Variants in IL1RAPL1 observed in about 807,000 individuals in gnomAD.
The protein encoded by IL1RAPL1 is interleukin 1 receptor accessory protein like 1.
In IL1RAPL1, 3 loss-of-function variants were observed where a neutral mutation model predicts 48.4. That is an observed-to-expected ratio of 0.06 (90% CI 0.03 to 0.16). The LOEUF is 0.16. IL1RAPL1 is among the 10% of genes least tolerant of loss of function. The pLI is 1.00. For synonymous variants in IL1RAPL1, 185 were observed against 187.7 expected (o/e 0.99, Z 0.12); for missense variants, 349 against 530.6 (o/e 0.66, Z 3.36).
intron 2 of IL1RAPL1, among the ~76,000 whole-genome samples, chrX:29,145,011 G>A (rs777366136): frequency 1.8e-5 from 2 of 110,891 alleles, no homozygotes; most frequent in South Asian, 7.8e-4. Flanking sequence ...TTACAGGCAT[G>A]AGCCACCATG....
At position 29,272,064 on chromosome X, in the gene IL1RAPL1, G is replaced by T. The variant is rs138149606; in HGVS notation, c.83-10874G>T. 4.1e-3 allele frequency among the ~76,000 whole-genome samples: 458 copies of T among 111,399 alleles called. 1 individual carries two copies. The highest frequency in any genetic ancestry group is 0.015 in the African/African-American group (448 of 30,640). ...GCGTTACATTTAAGTCTTTAATTCA[G>T]CTTGAGTTAATTTTTGTACATGGTG... is the stretch of plus-strand genomic sequence containing the variant. On this transcript the variant is annotated intron_variant, in intron 2 of 10. Coordinates refer to ENST00000378993, the MANE Select transcript of IL1RAPL1 (RefSeq NM_014271.4).
chrX:28,874,831 T>G (rs1480901642), intron 2 of IL1RAPL1, among the ~76,000 whole-genome samples: 2 of 112,327 alleles, frequency 1.8e-5, no homozygotes, highest in African/African-American at 6.5e-5. Context: ...TTCTGATACC[T>G]CTAAAGAAAG....
intron 5 of IL1RAPL1, among the ~76,000 whole-genome samples, chrX:29,488,224 G>A (rs1403978589): frequency 8.9e-6 from 1 of 112,029 alleles, no homozygotes; most frequent in Non-Finnish European, 1.9e-5. Flanking sequence ...CGGATCATGA[G>A]GTCAGGAGAT....
chrX:29,020,912 T>G (rs1926349547), intron 2 of IL1RAPL1, among the ~76,000 whole-genome samples: 1 of 112,248 alleles, frequency 8.9e-6, no homozygotes, highest in South Asian at 3.7e-4. Flanking sequence ...ATTTTCTTTC[T>G]TAATTTGTGT....
intron 9 of IL1RAPL1, among the ~76,000 whole-genome samples, chrX:29,951,773 G>A (rs1933324765): frequency 8.9e-6 from 1 of 111,954 alleles, no homozygotes; most frequent in Non-Finnish European, 1.9e-5. Flanking sequence ...AGCATGTGAA[G>A]TGTGAGGTGC....
chrX:29,685,610 C>G (rs1024489793), intron 6 of IL1RAPL1, among the ~76,000 whole-genome samples: 1 of 111,469 alleles, frequency 9.0e-6, no homozygotes, highest in Non-Finnish European at 1.9e-5. Flanking sequence ...GCAATTTTTC[C>G]TAAAGGCTGA....
At chrX:29,010,818 A>G (rs1186628101) in intron 2 of IL1RAPL1, among the ~76,000 whole-genome samples, 1 of 111,351 alleles carries the variant, frequency 9.0e-6, no homozygotes, top group African/African-American at 3.3e-5. Context: ...TGGGAAACTT[A>G]CTTGTCTCCT....
intron 2 of IL1RAPL1, among the ~76,000 whole-genome samples, chrX:28,950,715 G>A (rs1213044243): frequency 9.3e-6 from 1 of 107,512 alleles, no homozygotes; most frequent in Non-Finnish European, 1.9e-5. Flanking sequence ...TCAGTGTGGC[G>A]ATTCCTCAGG....
chrX:28,924,322 T>C (rs1488537630), intron 2 of IL1RAPL1, among the ~76,000 whole-genome samples: 1 of 112,302 alleles, frequency 8.9e-6, no homozygotes, highest in African/African-American at 3.2e-5. Flanking sequence ...TAATAATTTT[T>C]TAAAGATTAC....
intron 3 of IL1RAPL1, among the ~76,000 whole-genome samples, chrX:29,351,915 A>G (rs1395647693): frequency 1.8e-5 from 2 of 111,750 alleles, no homozygotes; most frequent in Non-Finnish European, 3.8e-5. Context: ...CTGGGAAGAT[A>G]GTGGGCACTC....
intron 5 of IL1RAPL1, among the ~76,000 whole-genome samples, chrX:29,630,282 C>T (rs1305879644): frequency 3.6e-5 from 4 of 111,487 alleles, no homozygotes; most frequent in African/African-American, 1.3e-4. Context: ...CTAAAACCAG[C>T]GACTCTGGAG....
At chrX:28,947,134 G>A (rs1924325578) in intron 2 of IL1RAPL1, among the ~76,000 whole-genome samples, 1 of 111,385 alleles carries the variant, frequency 9.0e-6, no homozygotes, top group African/African-American at 3.3e-5. Flanking sequence ...TCTGTTTTAG[G>A]TGTCTCAGAC....
At chrX:28,701,635 A>T (rs190747902) in intron 1 of IL1RAPL1, among the ~76,000 whole-genome samples, 1 of 111,662 alleles carries the variant, frequency 9.0e-6, no homozygotes, top group Admixed American at 9.6e-5. Flanking sequence ...AAAGACAAAA[A>T]TCCTTTATGC....
chrX:29,209,805 T>G (rs904454770), intron 2 of IL1RAPL1, among the ~76,000 whole-genome samples: 8 of 112,392 alleles, frequency 7.1e-5, no homozygotes, highest in African/African-American at 2.3e-4. Flanking sequence ...TTAATTTGAC[T>G]AAGTAGTAAC....
chrX:28,685,766 T>C (rs1442345332), intron 1 of IL1RAPL1, among the ~76,000 whole-genome samples: 2 of 112,119 alleles, frequency 1.8e-5, no homozygotes, highest in Non-Finnish European at 3.8e-5. Flanking sequence ...TAAGCAGGAA[T>C]CTTTTGCATT....
intron 2 of IL1RAPL1, among the ~76,000 whole-genome samples, chrX:29,139,932 A>G (rs946116760): frequency 3.6e-5 from 4 of 111,564 alleles, no homozygotes; most frequent in South Asian, 3.7e-4. Context: ...TTGTGTTGCT[A>G]TAAAGGAATC....
chrX:29,942,944 T>G (rs1933156042), intron 9 of IL1RAPL1, among the ~76,000 whole-genome samples: 1 of 110,693 alleles, frequency 9.0e-6, no homozygotes, highest in Non-Finnish European at 1.9e-5. Context: ...ATACTGTTTT[T>G]TTTTCAGTGA....
chrX:28,982,077 A>G (rs896228294), intron 2 of IL1RAPL1, among the ~76,000 whole-genome samples: 17 of 111,645 alleles, frequency 1.5e-4, no homozygotes, highest in Non-Finnish European at 2.4e-4. Flanking sequence ...CTTTTTTTCT[A>G]TTTTATTCTC....
At chrX:29,802,120 A>C (rs1929923529) in intron 6 of IL1RAPL1, among the ~76,000 whole-genome samples, 1 of 111,767 alleles carries the variant, frequency 8.9e-6, no homozygotes, top group Non-Finnish European at 1.9e-5. Context: ...CCATTGGCCA[A>C]AGTTTGATCC....
Sources: gnomAD v4.1 joint callset for allele counts (sites outside exome capture counted in the v4.1 genomes callset) on GRCh38, gnomAD v4.1.1 for gene constraint, MANE v1.5 for transcripts, NCBI Gene and HGNC (gene_info 2026-07-23, HGNC 2026-07-21) for gene names.